The following TMPRSS13 variants were observed in gnomAD, a reference collection of about 807,000 sequenced individuals.
TMPRSS13 encodes transmembrane serine protease 13.
TMPRSS13 carries 50 observed loss-of-function variants against 68.4 expected under a neutral mutation model. The observed-to-expected ratio is 0.73, with a 90% CI of 0.58 to 0.93. The LOEUF (loss-of-function observed/expected upper bound fraction) is 0.93, where lower values mean the gene tolerates loss of function less well. Ranked by LOEUF, TMPRSS13 falls within the 40% of genes least tolerant of loss-of-function variation. The probability of loss-of-function intolerance (pLI) is 0.00; values close to 1 mark genes in which losing one functional copy is unlikely to be tolerated. For synonymous variants in TMPRSS13, 267 were observed against 285.8 expected (o/e 0.93, Z 0.66); for missense variants, 615 against 729.2 (o/e 0.84, Z 1.80).
chr11:117,905,804 G>A, intron 9 of TMPRSS13, 68 bp from the exon 10 acceptor site: 1 of 1,293,316 alleles, frequency 7.7e-7, no homozygotes, highest in Non-Finnish European at 1.1e-6. Flanking sequence ...GAGGGAGAAG[G>A]AGCACAACCA....
intron 12 of TMPRSS13, 31 bp from the exon 13 acceptor site, chr11:117,902,296 G>A (rs1423423492): frequency 1.2e-6 from 2 of 1,613,314 alleles, no homozygotes; most frequent in East Asian, 2.2e-5. Context: ...AGAGGGTGAG[G>A]GTGGGCCAGG....
intron 9 of TMPRSS13, chr11:117,907,570 C>A (rs908595804): frequency 6.5e-6 from 1 of 153,204 alleles, no homozygotes; most frequent in African/African-American, 2.4e-5. Flanking sequence ...TCCCGGTACT[C>A]CTCCTCCCTC....
intron 2 of TMPRSS13, 135 bp downstream of exon 2, chr11:117,918,274 C>T: frequency 8.8e-7 from 1 of 1,136,924 alleles, no homozygotes; most frequent in Non-Finnish European, 1.2e-6. Context: ...TCAGGTCCCT[C>T]ACTTCCCACC....
At chr11:117,927,578 C>A (rs141468249) in intron 1 of TMPRSS13, among the ~76,000 whole-genome samples, 5 of 152,144 alleles carry the variant, frequency 3.3e-5, no homozygotes, top group African/African-American at 9.7e-5. Flanking sequence ...ATCTTCCTCA[C>A]GACATTTTGG....
At position 117,901,122 on chromosome 11, in the gene TMPRSS13, A is replaced by C. The variant is rs1195732130; in HGVS notation, c.*1117T>G. 6.6e-6 allele frequency: 1 copy of C among 152,250 alleles called. No homozygotes were observed. Among genetic ancestry groups the C allele is most frequent in the Non-Finnish European group, 1.5e-5 (1 of 68,058 alleles). The allele number at this position is 152,250 out of a possible 1,614,324, so 9.4% of individuals were successfully genotyped here. A position where few individuals can be genotyped will look rare whatever the true frequency, so the allele number is the denominator to read the frequency against. On this transcript the variant is annotated 3_prime_UTR_variant, in exon 13 of 13. Coordinates refer to ENST00000524993, the MANE Select transcript of TMPRSS13 (RefSeq NM_001077263.3). The stretch of plus-strand genomic sequence containing the variant: ...TGCTATGTTTCTGAAACAACTGAGA[A>C]ACTGAAAGGTGGAGAAAGCTGAGAA...
At chr11:117,913,989 G>T in intron 4 of TMPRSS13, 83 bp from the exon 5 acceptor site, 1 of 1,519,478 alleles carries the variant, frequency 6.6e-7, no homozygotes. Context: ...GTGAGGCTTT[G>T]AGAAAGCGCT....
rs373351583 is a variant in TMPRSS13 at position 117,911,892 on chromosome 11, C to A, written c.810-32G>T. ...GGGAGCAGAGGGGAGAAGAATGAGC[C>A]CCCTGGAGACAGAGTCATCCCAAGT... is the stretch of plus-strand genomic sequence containing the variant. On this transcript the variant is annotated intron_variant, in intron 5 of 12. Coordinates refer to ENST00000524993, the MANE Select transcript of TMPRSS13 (RefSeq NM_001077263.3). 3.8e-6 allele frequency: 6 copies of A among 1,578,050 alleles called. No homozygotes were observed. The African/African-American group carries it at 5.4e-5, about 14-fold the overall frequency.
At chr11:117,908,838 G>T in intron 8 of TMPRSS13, 54 bp from the exon 9 acceptor site, 3 of 1,500,462 alleles carry the variant, frequency 2.0e-6, no homozygotes, top group Non-Finnish European at 2.7e-6. Context: ...GCGTTCACTG[G>T]CAGCCCCTGC....
intron 2 of TMPRSS13, among the ~76,000 whole-genome samples, chr11:117,917,753 C>T (rs899285348): frequency 3.3e-5 from 5 of 152,154 alleles, no homozygotes; most frequent in African/African-American, 7.2e-5. Context: ...CCCCAAACTT[C>T]GAGTGATCCT....
At chr11:117,927,129 T>C (rs1449749638) in intron 1 of TMPRSS13, among the ~76,000 whole-genome samples, 1 of 152,138 alleles carries the variant, frequency 6.6e-6, no homozygotes, top group African/African-American at 2.4e-5. Context: ...CAGCCAACTG[T>C]TCAAACAGTG....
chr11:117,924,295 G>A (rs575684293), intron 1 of TMPRSS13, among the ~76,000 whole-genome samples: 9 of 152,140 alleles, frequency 5.9e-5, no homozygotes, highest in East Asian at 3.9e-4. Flanking sequence ...AGGTGGGGAC[G>A]GTGCCAATTC....
chr11:117,914,602 C>G lies in TMPRSS13; in HGVS notation c.557-88G>C. On this transcript the variant is annotated intron_variant, in intron 3 of 12. Transcript: ENST00000524993. This position sits in a 1 kb window ranked among gnomAD's most constrained non-coding sequence, Gnocchi z 4.2. ...GCCCAAGGACCTGGGGGTTCTGAGA[C>G]ACCGACCTGCAATCCCTCTTGAACT... 1 of 1,574,722 alleles carries G rather than the reference C, an allele frequency of 6.4e-7. No individual in the cohort carries two copies. Among genetic ancestry groups the G allele is most frequent in the Non-Finnish European group, 8.6e-7 (1 of 1,164,948 alleles).
chr11:117,918,303 C>G, intron 2 of TMPRSS13, 106 bp downstream of exon 2: 2 of 1,348,912 alleles, frequency 1.5e-6, no homozygotes, highest in Non-Finnish European at 2.0e-6. Context: ...TCCCCTTCCC[C>G]GCATCGTTGT....
chr11:117,907,180 G>A (rs544553461), intron 9 of TMPRSS13, among the ~76,000 whole-genome samples: 2 of 152,358 alleles, frequency 1.3e-5, no homozygotes, highest in South Asian at 4.1e-4. Flanking sequence ...GTTTGACAAG[G>A]TGAGAAGGCC....
In TMPRSS13 at chr11:117,913,820, C is replaced by T. The variant is rs2057545848; in HGVS notation, c.766G>A (p.Asp256Asn). 1 of 1,614,026 alleles carries T rather than the reference C, an allele frequency of 6.2e-7. No homozygotes were observed. The highest frequency in any genetic ancestry group is 1.1e-5 in the South Asian group (1 of 91,080). Residue 256 changes from aspartate to asparagine, a missense_variant, in exon 5 of 13, where the codon GAC becomes AAC. Coordinates refer to ENST00000524993, the MANE Select transcript of TMPRSS13 (RefSeq NM_001077263.3). ...WLPICSSNWN[D>N]SYSEKTCQQL... is the part of the protein sequence containing the mutation. ...TGGCAGGTCTTCTCTGAGTAGGAGT[C>T]ATTCCAGTTGCTGCTACAGATGGGA...
intron 1 of TMPRSS13, among the ~76,000 whole-genome samples, chr11:117,928,624 G>A (rs555115206): frequency 1.3e-5 from 2 of 152,314 alleles, no homozygotes; most frequent in South Asian, 4.1e-4. Flanking sequence ...CTTCATGTGT[G>A]TATGACTGGC....
chr11:117,908,553 G>A, intron 9 of TMPRSS13, 59 bp downstream of exon 9: 1 of 1,530,368 alleles, frequency 6.5e-7, no homozygotes, highest in African/African-American at 1.4e-5. Context: ...ACAAGTGCGA[G>A]GGCTGCAGAG....
chr11:117,908,593 G>A lies in TMPRSS13; in HGVS notation c.1282+19C>T. ...CTGGGGCTGGGGGGCAGGAGAGCGG[G>A]GAGTGCAGATTCCCTCACCGGACAG... On this transcript the variant is annotated intron_variant, in intron 9 of 12. Coordinates refer to ENST00000524993, the MANE Select transcript of TMPRSS13 (RefSeq NM_001077263.3). The A allele has an allele frequency of 3.2e-6, 5 of 1,551,790 alleles. No individual in the cohort carries two copies. The highest frequency in any genetic ancestry group is 2.6e-6 in the Non-Finnish European group (3 of 1,148,772).
Position 117,915,451 on chromosome 11 carries a change from C to T in TMPRSS13, c.557-937G>A, listed in dbSNP as rs1009938279. Among the ~76,000 whole-genome samples the T allele has an allele frequency of 6.6e-6, 1 of 152,224 alleles. No individual in the cohort carries two copies. The highest frequency in any genetic ancestry group is 1.5e-5 in the Non-Finnish European group (1 of 68,030). On this transcript the variant is annotated intron_variant, in intron 3 of 12. Transcript: ENST00000524993. The surrounding 1 kb of genome is among the most constrained non-coding windows in gnomAD (Gnocchi z 4.9). The stretch of plus-strand genomic sequence containing the variant: ...CTTCCAGGTCCAGACACAAATCCCT[C>T]CTAATCTCTTGGGCTGGCCCCTCCT...
Sources: allele counts gnomAD v4.1 joint callset (sites outside exome capture counted in the v4.1 genomes callset), GRCh38; gene constraint gnomAD v4.1.1; non-coding constraint Gnocchi (gnomAD v3.1); transcripts MANE v1.5; gene names NCBI Gene and HGNC (gene_info 2026-07-23, HGNC 2026-07-21).